Variants in DCAF6 observed in about 807,000 individuals in gnomAD.
The protein encoded by DCAF6 is DDB1- and CUL4-associated factor 6.
Under a neutral mutation model 125.1 loss-of-function variants are expected in DCAF6, and 54 were observed. The observed-to-expected ratio is 0.43, with a 90% confidence interval of 0.35 to 0.54. The LOEUF (loss-of-function observed/expected upper bound fraction) is 0.54, where lower values mean the gene tolerates loss of function less well. Ranked by LOEUF, DCAF6 falls within the 20% of genes least tolerant of loss-of-function variation. DCAF6 has a pLI of 0.01. For missense variants in DCAF6, 934 were observed against 1,161.7 expected (o/e 0.80, Z 2.85); for synonymous variants, 371 against 390.4 (o/e 0.95, Z 0.58).
At chr1:167,905,738 A>ATGTG in the DCAF6 span, among the ~76,000 whole-genome samples, 1,372 of 148,864 alleles carry the variant, frequency 9.2e-3, 8 homozygotes, top group South Asian at 0.031. Flanking sequence ...GAGTTCAGAA[A>ATGTG]TGTGTGTGTG....
the DCAF6 span, among the ~76,000 whole-genome samples, chr1:167,872,119 A>T: frequency 1.2e-4 from 19 of 152,278 alleles, no homozygotes; most frequent in Admixed American, 6.5e-4. Context: ...AGGCGGGTGG[A>T]TCCCCTGAGG....
the DCAF6 span, among the ~76,000 whole-genome samples, chr1:167,903,734 A>AGT: frequency 6.6e-6 from 1 of 152,218 alleles, no homozygotes; most frequent in African/African-American, 2.4e-5. Flanking sequence ...CAGTTATACT[A>AGT]TATCATATTT....
the DCAF6 span, among the ~76,000 whole-genome samples, chr1:167,908,770 C>G: frequency 6.6e-6 from 1 of 152,166 alleles, no homozygotes; most frequent in Admixed American, 6.5e-5. Context: ...TTTAATACAT[C>G]TTAATCAACC....
intron 17 of DCAF6, among the ~76,000 whole-genome samples, chr1:168,060,682 A>G (rs1440283960): frequency 3.3e-5 from 5 of 152,162 alleles, no homozygotes; most frequent in Non-Finnish European, 7.4e-5. Flanking sequence ...ACTTGAGGTC[A>G]GGAGTCCAAG....
At chr1:168,020,982 T>C (rs1685599948) in intron 11 of DCAF6, among the ~76,000 whole-genome samples, 1 of 152,152 alleles carries the variant, frequency 6.6e-6, no homozygotes, top group African/African-American at 2.4e-5. Context: ...ATACACAATG[T>C]CTATGGCAGA....
At chr1:167,985,331 G>A (rs535960054) in intron 4 of DCAF6, among the ~76,000 whole-genome samples, 39 of 152,210 alleles carry the variant, frequency 2.6e-4, no homozygotes, top group East Asian at 7.7e-4. Context: ...GGCTAAAATC[G>A]AAGTGTTGGC....
chr1:167,936,273 G>C (rs962556135), upstream of DCAF6: 1 of 207,402 alleles, frequency 4.8e-6, no homozygotes, highest in African/African-American at 2.4e-5. Context: ...GTTGGAGAAG[G>C]GAAAGTGAAG....
intron 3 of DCAF6, among the ~76,000 whole-genome samples, chr1:167,968,716 C>T (rs1676842470): frequency 6.6e-6 from 1 of 152,218 alleles, no homozygotes; most frequent in Non-Finnish European, 1.5e-5. Context: ...GTTGCAGGAG[C>T]TCCCATTAGA....
chr1:167,932,808 CA>C (rs965449372), upstream of DCAF6, among the ~76,000 whole-genome samples: 371 of 54,944 alleles, frequency 6.8e-3, no homozygotes, highest in South Asian at 0.011. Flanking sequence ...GACTCTGTCT[CA>C]AAAAAAAAAA....
chr1:167,950,976 T>TA (rs554895537), intron 1 of DCAF6, among the ~76,000 whole-genome samples: 1 of 152,240 alleles, frequency 6.6e-6, no homozygotes, highest in South Asian at 2.1e-4. Flanking sequence ...AGTTGGTACT[T>TA]ACTATTGCTG....
chr1:167,910,096 C>T, the DCAF6 span, among the ~76,000 whole-genome samples: 1 of 152,144 alleles, frequency 6.6e-6, no homozygotes, highest in South Asian at 2.1e-4. Context: ...TCTTGAGATG[C>T]AAGTCTGCCA....
At position 167,936,918 on chromosome 1, in the gene DCAF6, C is replaced by T. The variant is rs780002986; in HGVS notation, c.7C>T (p.Arg3Trp). Residue 3 changes from arginine (R) to tryptophan (W), a missense_variant, in exon 1 of 22, where the codon CGG becomes TGG. Arg to Trp is a moderately radical substitution (Grantham distance 101, BLOSUM62 -3). Transcript: ENST00000367840. The stretch of plus-strand genomic sequence containing the variant: ...ACCCGGCTCAGGCAGAGCCATGTCT[C>T]GGGGTGGCTCCTACCCACACCTGTT... The part of the protein sequence containing the change: MS[R>W]GGSYPHLLWD... The T allele has an allele frequency of 2.2e-5, 36 of 1,603,392 alleles. No individual in the cohort carries two copies. In the East Asian group the frequency reaches 3.6e-4, roughly 16 times the overall value.
At chr1:167,889,999 C>T in the DCAF6 span, among the ~76,000 whole-genome samples, 1 of 152,150 alleles carries the variant, frequency 6.6e-6, no homozygotes, top group Non-Finnish European at 1.5e-5. Flanking sequence ...TGAGTTTCCT[C>T]AAACAGCTTT....
chr1:167,896,472 G>C, the DCAF6 span: 397 of 808,178 alleles, frequency 4.9e-4, 3 homozygotes, highest in Admixed American at 2.8e-4. Flanking sequence ...CCCTTTGTGT[G>C]CTGGTAAGGA....
chr1:168,026,182 TCATA>T (rs1433858620), intron 12 of DCAF6, among the ~76,000 whole-genome samples: 3 of 152,208 alleles, frequency 2.0e-5, no homozygotes, highest in Non-Finnish European at 2.9e-5. Flanking sequence ...ACATTTGTAA[TCATA>T]CATTTATTTA....
chr1:167,875,345 GAGA>G, the DCAF6 span, among the ~76,000 whole-genome samples: 5 of 152,220 alleles, frequency 3.3e-5, no homozygotes, highest in Admixed American at 1.3e-4. Flanking sequence ...AAGGAGAAAC[GAGA>G]AGGTCTGACT....
At chr1:168,013,142 A>G (rs1684521979) in intron 10 of DCAF6, among the ~76,000 whole-genome samples, 1 of 152,240 alleles carries the variant, frequency 6.6e-6, no homozygotes, top group African/African-American at 2.4e-5. Context: ...CTGACTATAA[A>G]TAAGGTGTCT....
intron 4 of DCAF6, among the ~76,000 whole-genome samples, chr1:167,978,884 T>G (rs1184372074): frequency 1.3e-5 from 2 of 152,160 alleles, no homozygotes; most frequent in East Asian, 3.9e-4. Flanking sequence ...CTAGAACTCC[T>G]GGGCTCAAGC....
At chr1:168,009,438 CTT>C (rs771072017) in intron 10 of DCAF6, among the ~76,000 whole-genome samples, 52 of 94,252 alleles carry the variant, frequency 5.5e-4, no homozygotes, top group Non-Finnish European at 8.1e-4. Flanking sequence ...GTCTCTCTCT[CTT>C]TCTTTCTTTC....
Sources: gnomAD v4.1 joint callset for allele counts (sites outside exome capture counted in the v4.1 genomes callset) on GRCh38, gnomAD v4.1.1 for gene constraint, MANE v1.5 for transcripts, NCBI Gene and HGNC (gene_info 2026-07-23, HGNC 2026-07-21) for gene names.